CCDC73: variants seen among roughly 807,000 people sequenced by gnomAD.
The protein encoded by CCDC73 is coiled-coil domain containing 73.
Under a neutral mutation model 116.5 loss-of-function variants are expected in CCDC73, and 95 were observed. The ratio of observed to expected loss-of-function variants is 0.82; its 90% CI spans 0.69 to 0.97. CCDC73 has a LOEUF of 0.97. CCDC73 is among the 50% of genes least tolerant of loss of function. The pLI, the probability that CCDC73 is intolerant of heterozygous loss-of-function variation, is 0.00. For synonymous variants in CCDC73, 398 were observed against 401.3 expected (o/e 0.99, Z 0.10); for missense variants, 1,066 against 1,206.8 (o/e 0.88, Z 1.73).
chr11:32,667,108 T>A (rs909070964), intron 9 of CCDC73, among the ~76,000 whole-genome samples: 1 of 152,132 alleles, frequency 6.6e-6, no homozygotes, highest in East Asian at 1.9e-4. Flanking sequence ...TACTCGGAGG[T>A]CAGGGACCCA....
intron 2 of CCDC73, among the ~76,000 whole-genome samples, chr11:32,719,054 G>A (rs1849968999): frequency 6.6e-6 from 1 of 152,168 alleles, no homozygotes; most frequent in Non-Finnish European, 1.5e-5. Flanking sequence ...GATACAGCAA[G>A]GAGAGCTGCA....
chr11:32,605,551 G>A (rs1429564538), intron 17 of CCDC73: 1 of 152,030 alleles, frequency 6.6e-6, no homozygotes, highest in African/African-American at 2.4e-5. Context: ...TGGTGTATTT[G>A]GCATCCAAGT....
At chr11:32,812,197 C>T in the CCDC73 span, among the ~76,000 whole-genome samples, 2 of 152,100 alleles carry the variant, frequency 1.3e-5, no homozygotes, top group African/African-American at 4.8e-5. Flanking sequence ...TTTTTCATTT[C>T]TTCTCATCAA....
chr11:32,731,294 G>A (rs567141059), intron 2 of CCDC73, among the ~76,000 whole-genome samples: 3 of 152,318 alleles, frequency 2.0e-5, no homozygotes, highest in Non-Finnish European at 4.4e-5. Flanking sequence ...ACTGAGTAGA[G>A]CCCACCACAG....
At chr11:32,645,286 TTTTTC>T (rs1306419262) in intron 12 of CCDC73, among the ~76,000 whole-genome samples, 3 of 89,376 alleles carry the variant, frequency 3.4e-5, no homozygotes, top group African/African-American at 8.5e-5. Context: ...TTTCTTTTTC[TTTTTC>T]TTTTTTTTTT....
intron 14 of CCDC73, among the ~76,000 whole-genome samples, chr11:32,632,662 T>G (rs1260841431): frequency 6.6e-6 from 1 of 152,164 alleles, no homozygotes; most frequent in East Asian, 1.9e-4. Context: ...AGAAGAATGT[T>G]AAAATCTTTC....
At chr11:32,687,842 G>T (rs1198295854) in intron 6 of CCDC73, among the ~76,000 whole-genome samples, 1 of 152,062 alleles carries the variant, frequency 6.6e-6, no homozygotes, top group African/African-American at 2.4e-5. Context: ...GCAAGATCAG[G>T]TAAAGTATGA....
intron 14 of CCDC73, among the ~76,000 whole-genome samples, chr11:32,620,610 C>CA (rs57643752): frequency 0.26 from 15,890 of 61,452 alleles, 2,731 homozygotes; most frequent in African/African-American, 0.33. Context: ...GACTCAGTCT[C>CA]AAAAAAAAAA....
intron 1 of CCDC73, among the ~76,000 whole-genome samples, chr11:32,774,163 C>A (rs966064058): frequency 6.6e-6 from 1 of 152,152 alleles, no homozygotes; most frequent in Non-Finnish European, 1.5e-5. Flanking sequence ...TTCCAGCACA[C>A]AAACTTCTCA....
chr11:32,793,300 A>G (rs559929738), intron 1 of CCDC73, among the ~76,000 whole-genome samples: 11 of 152,322 alleles, frequency 7.2e-5, no homozygotes, highest in African/African-American at 2.2e-4. Context: ...ACACCAGTGA[A>G]GGACTACAGA....
At chr11:32,637,017 CTTTTT>C (rs71063750) in intron 13 of CCDC73, among the ~76,000 whole-genome samples, 6 of 87,958 alleles carry the variant, frequency 6.8e-5, no homozygotes, top group African/African-American at 1.2e-4. Flanking sequence ...TTTTCTTTTT[CTTTTT>C]TTTTTTTTTT....
chr11:32,796,345 G>T (rs546957462), upstream of CCDC73, among the ~76,000 whole-genome samples: 1 of 152,252 alleles, frequency 6.6e-6, no homozygotes, highest in African/African-American at 2.4e-5. Context: ...TTTCAATTTG[G>T]TATTTACCAA....
chr11:32,695,195 C>T (rs1016948978), intron 6 of CCDC73, among the ~76,000 whole-genome samples: 1 of 152,074 alleles, frequency 6.6e-6, no homozygotes. Flanking sequence ...GTGGCAAAAC[C>T]CCGTCTCTCC....
At chr11:32,722,413 G>A (rs189715680) in intron 2 of CCDC73, among the ~76,000 whole-genome samples, 1 of 152,266 alleles carries the variant, frequency 6.6e-6, no homozygotes, top group African/African-American at 2.4e-5. Context: ...AAGTACATTG[G>A]ATCTTTACAG....
At chr11:32,816,957 G>A in the CCDC73 span, among the ~76,000 whole-genome samples, 6 of 152,098 alleles carry the variant, frequency 3.9e-5, no homozygotes, top group East Asian at 7.7e-4. Flanking sequence ...CTAATTTTAC[G>A]TATTTTTAGT....
chr11:32,608,220 C>T (rs1464775335), intron 17 of CCDC73, among the ~76,000 whole-genome samples: 2 of 152,162 alleles, frequency 1.3e-5, no homozygotes, highest in African/African-American at 2.4e-5. Context: ...CAAAGTCTTA[C>T]TTCAGCATTA....
chr11:32,631,871 G>A (rs1855634730), intron 14 of CCDC73, among the ~76,000 whole-genome samples: 1 of 152,040 alleles, frequency 6.6e-6, no homozygotes, highest in South Asian at 2.1e-4. Context: ...CAGGCAGGCA[G>A]GCAGATAGAC....
intron 2 of CCDC73, among the ~76,000 whole-genome samples, chr11:32,750,421 C>T (rs1850278490): frequency 6.6e-6 from 1 of 152,190 alleles, no homozygotes; most frequent in Non-Finnish European, 1.5e-5. Context: ...TTGTATCCTT[C>T]TTTTCAGGGA....
the CCDC73 span, among the ~76,000 whole-genome samples, chr11:32,808,641 A>AT: frequency 1.0e-4 from 12 of 118,256 alleles, no homozygotes; most frequent in Admixed American, 4.0e-4. Context: ...TCCGTCTCAA[A>AT]GAAAAAAAAA....
Sources: gnomAD v4.1 joint callset for allele counts (sites outside exome capture counted in the v4.1 genomes callset) on GRCh38, gnomAD v4.1.1 for gene constraint, MANE v1.5 for transcripts, NCBI Gene and HGNC (gene_info 2026-07-23, HGNC 2026-07-21) for gene names.